The following BRD1 variants were observed in gnomAD, a reference collection of about 807,000 sequenced individuals.
The protein encoded by BRD1 is bromodomain containing 1, also known as bromodomain-containing protein 1.
BRD1 carries 24 observed loss-of-function variants against 107.7 expected under a neutral mutation model. That is an observed-to-expected ratio of 0.22 (90% CI 0.16 to 0.31). The LOEUF (loss-of-function observed/expected upper bound fraction) is 0.31, where lower values mean the gene tolerates loss of function less well. BRD1 is among the 10% of genes least tolerant of loss of function. BRD1 has a pLI of 1.00. For missense variants in BRD1, 1,279 were observed against 1,638.6 expected, an observed-to-expected ratio of 0.78 and a Z score of 3.79; for synonymous variants, 744 against 686.1, an observed-to-expected ratio of 1.08 and a Z score of -1.32.
chr22:49,779,130 A>G (rs575246074), intron 8 of BRD1, among the ~76,000 whole-genome samples: 1 of 152,038 alleles, frequency 6.6e-6, no homozygotes, highest in East Asian at 1.9e-4. Flanking sequence ...ATGGAGTGCA[A>G]TGGACTCCAT....
chr22:49,814,504 G>A (rs1034503528), intron 2 of BRD1, among the ~76,000 whole-genome samples: 1 of 152,260 alleles, frequency 6.6e-6, no homozygotes. Context: ...CATGCCTGAC[G>A]TGCATGGGCA....
chr22:49,816,734 A>G (rs888240448), intron 2 of BRD1, among the ~76,000 whole-genome samples: 12 of 152,240 alleles, frequency 7.9e-5, no homozygotes, highest in African/African-American at 2.9e-4. Context: ...CCCTGTCTCT[A>G]TAAAATAGAC....
At chr22:49,814,960 G>C (rs755654147) in intron 2 of BRD1, among the ~76,000 whole-genome samples, 2 of 152,202 alleles carry the variant, frequency 1.3e-5, no homozygotes, top group Admixed American at 6.5e-5. Context: ...AAGAGAACCC[G>C]GCCTAGAGGA....
intron 2 of BRD1, among the ~76,000 whole-genome samples, chr22:49,822,082 C>A (rs1410647994): frequency 6.6e-6 from 1 of 152,258 alleles, no homozygotes; most frequent in Non-Finnish European, 1.5e-5. Flanking sequence ...TACAGAGTTC[C>A]TGCGTGGGCT....
At chr22:49,812,307 A>G (rs1471525850) in intron 2 of BRD1, among the ~76,000 whole-genome samples, 2 of 152,216 alleles carry the variant, frequency 1.3e-5, no homozygotes, top group Admixed American at 1.3e-4. Context: ...CATAGCTAAA[A>G]ACAAAAATGC....
chr22:49,800,541 T>C (rs910960634), intron 3 of BRD1, among the ~76,000 whole-genome samples: 2 of 152,116 alleles, frequency 1.3e-5, no homozygotes, highest in Non-Finnish European at 2.9e-5. Flanking sequence ...TGGGAATCTG[T>C]TACGAAGCGG....
intron 6 of BRD1, among the ~76,000 whole-genome samples, chr22:49,795,316 C>G (rs528308316): frequency 2.0e-5 from 3 of 152,310 alleles, no homozygotes; most frequent in South Asian, 2.1e-4. Context: ...AGGTGTCGGC[C>G]GTGCTGAGAA....
At position 49,796,720 on chromosome 22, in the gene BRD1, G is replaced by A. The variant is rs540394204; in HGVS notation, c.2098+1085C>T. 5.9e-5 allele frequency among the ~76,000 whole-genome samples: 9 copies of A among 152,338 alleles called. No individual in the cohort carries two copies. The South Asian group carries it at 6.2e-4, about 11-fold the overall frequency. The stretch of plus-strand genomic sequence containing the variant: ...AATCCTCACAGGTGCCGAGTGCTGC[G>A]GGACCCCACGGGAAGCAGGGAGCCC... On this transcript the variant is annotated intron_variant, in intron 6 of 12. Transcript: ENST00000404760.
intron 1 of BRD1, among the ~76,000 whole-genome samples, chr22:49,825,450 G>C (rs928435759): frequency 2.6e-5 from 4 of 152,154 alleles, no homozygotes; most frequent in Admixed American, 2.0e-4. Context: ...CGTGGCAGAG[G>C]CCTCTGCTGT....
rs377740882 is a variant in BRD1, at chr22:49,794,009, C to T, written c.2359+25G>A. On this transcript the variant is annotated intron_variant, in intron 7 of 12. Coordinates refer to ENST00000404760, the MANE Select transcript of BRD1 (RefSeq NM_001304808.3). ...AGCCTGAGCCGTGACGGCAAGAAAG[C>T]GGGGCAGCCCTCACCGTGGCTTACC... is the stretch of plus-strand genomic sequence containing the variant. 29 of 1,594,704 alleles carry T rather than the reference C, an allele frequency of 1.8e-5. No homozygotes were observed. The South Asian group carries it at 2.1e-4, about 12-fold the overall frequency.
In BRD1 at chr22:49,803,247, G is replaced by C. The variant is rs917103614; in HGVS notation, c.1524+957C>G. Among the ~76,000 whole-genome samples, 1 of 152,214 alleles carries C rather than the reference G, an allele frequency of 6.6e-6. No individual in the cohort carries two copies. Among genetic ancestry groups the C allele is most frequent in the Non-Finnish European group, 1.5e-5 (1 of 68,030 alleles). ...AGACAGCACCGGCCACCGCACCACCGCACGGGGACCCAACCGTGAACCCTG... is the reference window on the plus strand; with the variant it reads ...AGACAGCACCGGCCACCGCACCACCCCACGGGGACCCAACCGTGAACCCTG... On this transcript the variant is annotated intron_variant, in intron 3 of 12. Transcript: ENST00000404760. This position sits in a 1 kb window ranked among gnomAD's most constrained non-coding sequence, Gnocchi z 4.4.
Position 49,803,938 on chromosome 22 carries a change from C to A in BRD1, c.1524+266G>T, listed in dbSNP as rs112136825. Among the ~76,000 whole-genome samples the A allele has an allele frequency of 6.6e-6, 1 of 152,220 alleles. No homozygotes were observed. The highest frequency in any genetic ancestry group is 1.5e-5 in the Non-Finnish European group (1 of 68,032). On this transcript the variant is annotated intron_variant, in intron 3 of 12. Transcript: ENST00000404760. This position sits in a 1 kb window ranked among gnomAD's most constrained non-coding sequence, Gnocchi z 4.4. ...TGGCCACTGCCCATCAGCGTGTGTG[C>A]GGGCAGGGCAGGGCGGGGGAGCGCA...
chr22:49,804,346 G>A lies in BRD1; in HGVS notation c.1382C>T (p.Ala461Val), dbSNP rs755433623. ...YIPPQRLNRI[A>V]NQVAIQRKKQ... Reference sequence around the variant, plus strand: ...CTTCCGCTGAATGGCCACCTGATTCGCAATCCTATTTAACCTAAAACACAA... The same window carrying A: ...CTTCCGCTGAATGGCCACCTGATTCACAATCCTATTTAACCTAAAACACAA... Residue 461 changes from alanine to valine, a missense_variant, in exon 3 of 13, where the codon GCG (alanine) becomes GTG (valine). By Grantham distance (64) the Ala-to-Val change is moderately conservative. Coordinates refer to ENST00000404760, the MANE Select transcript of BRD1 (RefSeq NM_001304808.3). The A allele has an allele frequency of 1.2e-6, 2 of 1,606,396 alleles. No homozygotes were observed. The highest frequency in any genetic ancestry group is 1.1e-5 in the South Asian group (1 of 89,278).
At chr22:49,818,510 T>A in intron 2 of BRD1, 1 of 421,884 alleles carries the variant, frequency 2.4e-6, no homozygotes, top group Non-Finnish European at 3.2e-6. Context: ...GAATGAGTCC[T>A]GCAGTAATCC....
Position 49,824,356 on chromosome 22 carries a change from T to A in BRD1, c.-14-25A>T, listed in dbSNP as rs1216889362. 6.2e-7 allele frequency: 1 copy of A among 1,605,878 alleles called. No individual in the cohort carries two copies. The highest frequency in any genetic ancestry group is 8.5e-7 in the Non-Finnish European group (1 of 1,175,018). On this transcript the variant is annotated intron_variant, in intron 1 of 12. Coordinates refer to ENST00000404760, the MANE Select transcript of BRD1 (RefSeq NM_001304808.3). This position sits in a 1 kb window ranked among gnomAD's most constrained non-coding sequence, Gnocchi z 5.9. Reference sequence around the variant, plus strand: ...CCTAAAATGAAGGCAAAAGTAAAGGTAATTCTACGCAGGGTGACCAAAGAC... The same window carrying A: ...CCTAAAATGAAGGCAAAAGTAAAGGAAATTCTACGCAGGGTGACCAAAGAC...
At chr22:49,789,501 C>G (rs934147240) in intron 7 of BRD1, among the ~76,000 whole-genome samples, 1 of 150,630 alleles carries the variant, frequency 6.6e-6, no homozygotes, top group African/African-American at 2.5e-5. Context: ...CCCCCCCCCG[C>G]CCCGAGCTCT....
chr22:49,775,641 C>T lies in BRD1; in HGVS notation c.3336G>A (p.Lys1112=), dbSNP rs745867239. ...VLKIGEHMQT[K]SDEKLFLVLF... ...GAACGAGGAACAGCTTCTCATCAGA[C>T]TTGGTCTGCATGTGCTCCCCAATCT... The change falls in exon 12 of 13, where the codon AAG becomes AAA. Residue 1112 remains lysine, a synonymous_variant. Transcript: ENST00000404760. The T allele has an allele frequency of 2.5e-6, 4 of 1,613,710 alleles. No individual in the cohort carries two copies. Among genetic ancestry groups the T allele is most frequent in the South Asian group, 1.1e-5 (1 of 91,014 alleles).
intron 8 of BRD1, among the ~76,000 whole-genome samples, chr22:49,780,169 T>C (rs2059178807): frequency 6.6e-6 from 1 of 152,098 alleles, no homozygotes; most frequent in Non-Finnish European, 1.5e-5. Flanking sequence ...CACCCGCAGC[T>C]GTGCCAGCAC....
chr22:49,823,720 C>T lies in BRD1; in HGVS notation c.598G>A (p.Glu200Lys), dbSNP rs1192652909. ...TGCTGCTCGCCCTGCTTCTGGTTCTCGCAGTGCGACTCCTTCTCGAAGCGG... is the reference window on the plus strand; with the variant it reads ...TGCTGCTCGCCCTGCTTCTGGTTCTTGCAGTGCGACTCCTTCTCGAAGCGG... Reference protein sequence around the residue: ...MDRFEKESHCENQKQGEQQSL... With the variant: ...MDRFEKESHCKNQKQGEQQSL... Residue 200 changes from glutamate (E) to lysine (K), a missense_variant, in exon 2 of 13, where the codon GAG (glutamate) becomes AAG (lysine). By Grantham distance (56) the Glu-to-Lys change is moderately conservative. This residue lies in a region of BRD1 where 158 missense variants were observed against 310.2 expected (regional missense o/e 0.51). Coordinates refer to ENST00000404760, the MANE Select transcript of BRD1 (RefSeq NM_001304808.3). The T allele has an allele frequency of 6.2e-7, 1 of 1,614,030 alleles. No individual in the cohort carries two copies. The highest frequency in any genetic ancestry group is 1.1e-5 in the South Asian group (1 of 91,082).
Sources: gnomAD v4.1 joint callset for allele counts (sites outside exome capture counted in the v4.1 genomes callset) on GRCh38, gnomAD v4.1.1 for gene constraint, gnomAD v4.1.1 regional missense constraint, Gnocchi (gnomAD v3.1) non-coding constraint, MANE v1.5 for transcripts, NCBI Gene and HGNC (gene_info 2026-07-23, HGNC 2026-07-21) for gene names.